The following PTPRM variants were observed in gnomAD, a reference collection of about 807,000 sequenced individuals.
PTPRM encodes the protein protein tyrosine phosphatase receptor type M, also known as receptor-type tyrosine-protein phosphatase mu.
In PTPRM, 47 loss-of-function variants were observed where a neutral mutation model predicts 186.7. The ratio of observed to expected loss-of-function variants is 0.25; its 90% CI spans 0.20 to 0.32. The LOEUF is 0.32. Ranked by LOEUF, PTPRM falls within the 10% of genes least tolerant of loss-of-function variation. The pLI is 1.00. For synonymous variants in PTPRM, 668 were observed against 674.9 expected (o/e 0.99, Z 0.16); for missense variants, 1,494 against 1,865.0 (o/e 0.80, Z 3.66).
intron 1 of PTPRM, among the ~76,000 whole-genome samples, chr18:7,634,789 C>T (rs934586809): frequency 1.3e-5 from 2 of 152,192 alleles, no homozygotes; most frequent in African/African-American, 4.8e-5. Context: ...CAAATAGAAA[C>T]AGCCTTAAGT....
chr18:7,874,078 G>T (rs2048109956), intron 2 of PTPRM, among the ~76,000 whole-genome samples: 1 of 151,108 alleles, frequency 6.6e-6, no homozygotes, highest in Non-Finnish European at 1.5e-5. Flanking sequence ...AGAGGAATGT[G>T]TCAGCTTATT....
chr18:7,819,256 A>G (rs2045031174), intron 2 of PTPRM, among the ~76,000 whole-genome samples: 1 of 139,568 alleles, frequency 7.2e-6, no homozygotes, highest in African/African-American at 2.5e-5. Context: ...GCATTTCCCA[A>G]GACCACCCTG....
At chr18:7,763,123 C>G (rs1008851031) in intron 1 of PTPRM, among the ~76,000 whole-genome samples, 2 of 152,176 alleles carry the variant, frequency 1.3e-5, no homozygotes, top group African/African-American at 4.8e-5. Context: ...ATAAAGTCAT[C>G]CCCTGCACCC....
At chr18:8,146,831 C>G (rs975342058) in intron 14 of PTPRM, among the ~76,000 whole-genome samples, 1 of 151,992 alleles carries the variant, frequency 6.6e-6, no homozygotes, top group African/African-American at 2.4e-5. Context: ...ATTTTTGTAT[C>G]AGGTGTAAGG....
chr18:8,385,469 G>T (rs893371289), intron 30 of PTPRM, among the ~76,000 whole-genome samples: 1 of 152,224 alleles, frequency 6.6e-6, no homozygotes, highest in African/African-American at 2.4e-5. Context: ...GAGCCAAGAC[G>T]GAGGAGTCCA....
chr18:7,574,274 C>T (rs973364984), intron 1 of PTPRM, among the ~76,000 whole-genome samples: 16 of 152,144 alleles, frequency 1.1e-4, no homozygotes, highest in Non-Finnish European at 2.4e-4. Context: ...AGTTGTAAAA[C>T]TCAAATGAAT....
intron 10 of PTPRM, 74 bp from the exon 11 acceptor site, chr18:8,088,674 TA>T: frequency 8.0e-7 from 1 of 1,244,228 alleles, no homozygotes. Flanking sequence ...ATGCTCTTTG[TA>T]AAAGAAAGTG....
intron 14 of PTPRM, chr18:8,154,620 T>A (rs2093081343): frequency 6.6e-6 from 1 of 152,228 alleles, no homozygotes; most frequent in African/African-American, 2.4e-5. Context: ...TAGCTAAGAT[T>A]GTTTTGTCTT....
chr18:8,223,574 C>T (rs910623234), intron 14 of PTPRM, among the ~76,000 whole-genome samples: 5 of 152,116 alleles, frequency 3.3e-5, no homozygotes, highest in South Asian at 2.1e-4. Context: ...CAGACCCATC[C>T]GCAGTGCAGC....
At chr18:8,181,513 C>T (rs774442732) in intron 14 of PTPRM, among the ~76,000 whole-genome samples, 14 of 152,032 alleles carry the variant, frequency 9.2e-5, no homozygotes, top group Non-Finnish European at 1.9e-4. Context: ...GACTGAGGGG[C>T]GAAAAAGGAA....
At chr18:7,982,806 A>G (rs1267464102) in intron 7 of PTPRM, among the ~76,000 whole-genome samples, 1 of 152,042 alleles carries the variant, frequency 6.6e-6, no homozygotes, top group East Asian at 1.9e-4. Context: ...CTATGGGATG[A>G]CAGTGATATA....
intron 1 of PTPRM, among the ~76,000 whole-genome samples, chr18:7,740,712 G>A (rs1378778966): frequency 6.6e-6 from 1 of 152,206 alleles, no homozygotes; most frequent in Non-Finnish European, 1.5e-5. Flanking sequence ...GAGCTGTGGA[G>A]CCAGGCCACA....
chr18:7,941,555 C>A (rs576039943), intron 5 of PTPRM, among the ~76,000 whole-genome samples: 1 of 152,148 alleles, frequency 6.6e-6, no homozygotes. Context: ...TTTTCCATCC[C>A]TTTTTGTTAA....
In PTPRM at chr18:8,194,575, G is replaced by A. The variant is rs79578167; in HGVS notation, c.2301-49483G>A. On this transcript the variant is annotated intron_variant, in intron 14 of 32. Transcript: ENST00000580170. ...AGCTCCAGCTCCATCCATGGTAGCT[G>A]TGCGTGCTCATTCATTAGGCCTTAC... Among the ~76,000 whole-genome samples the A allele has an allele frequency of 3.5e-3, 530 of 152,356 alleles. 1 individual carries two copies. Among genetic ancestry groups the A allele is most frequent in the African/African-American group, 0.012 (489 of 41,588 alleles).
intron 32 of PTPRM, among the ~76,000 whole-genome samples, chr18:8,402,651 T>C (rs150747042): frequency 1.4e-3 from 208 of 152,290 alleles, no homozygotes; most frequent in African/African-American, 4.8e-3. Flanking sequence ...CACAAAAGCA[T>C]GATGGGAGCA....
intron 1 of PTPRM, among the ~76,000 whole-genome samples, chr18:7,646,310 TC>T (rs1432947651): frequency 6.6e-6 from 1 of 152,116 alleles, no homozygotes; most frequent in Non-Finnish European, 1.5e-5. Context: ...CACACCTGTG[TC>T]CCCCAGGTCC....
At chr18:8,295,290 T>C (rs2095084536) in intron 19 of PTPRM, among the ~76,000 whole-genome samples, 1 of 152,086 alleles carries the variant, frequency 6.6e-6, no homozygotes, top group East Asian at 1.9e-4. Context: ...AATAAATACA[T>C]TCTACCTAGC....
chr18:8,077,580 G>A (rs1819262242), intron 9 of PTPRM, among the ~76,000 whole-genome samples: 2 of 152,158 alleles, frequency 1.3e-5, no homozygotes, highest in Non-Finnish European at 2.9e-5. Flanking sequence ...GAAAATTCAT[G>A]GCTCAGCTTT....
chr18:8,178,918 G>T (rs58408137), intron 14 of PTPRM, among the ~76,000 whole-genome samples: 1 of 152,166 alleles, frequency 6.6e-6, no homozygotes, highest in African/African-American at 2.4e-5. Flanking sequence ...ACCTGTATGA[G>T]TTGGGTACAT....
Sources: gnomAD v4.1 joint callset for allele counts (sites outside exome capture counted in the v4.1 genomes callset) on GRCh38, gnomAD v4.1.1 for gene constraint, MANE v1.5 for transcripts, NCBI Gene and HGNC (gene_info 2026-07-23, HGNC 2026-07-21) for gene names.